GRIK2: variants seen among roughly 807,000 people sequenced by gnomAD.
GRIK2 encodes the protein glutamate receptor ionotropic, kainate 2.
GRIK2 carries 32 observed loss-of-function variants against 100.3 expected under a neutral mutation model. The ratio of observed to expected loss-of-function variants is 0.32; its 90% CI spans 0.24 to 0.43. GRIK2 has a LOEUF of 0.43. Ranked by LOEUF, GRIK2 falls within the 20% of genes least tolerant of loss-of-function variation. The probability of loss-of-function intolerance (pLI) is 1.00; values close to 1 mark genes in which losing one functional copy is unlikely to be tolerated. For missense variants in GRIK2, 843 were observed against 1,114.9 expected, an observed-to-expected ratio of 0.76 and a Z score of 3.47; for synonymous variants, 417 against 389.4, an observed-to-expected ratio of 1.07 and a Z score of -0.83.
chr6:101,795,964 T>C (rs866377328), intron 7 of GRIK2, among the ~76,000 whole-genome samples: 1 of 152,252 alleles, frequency 6.6e-6, no homozygotes, highest in Admixed American at 6.5e-5. Context: ...ATTTTCATTA[T>C]GTATTTATGA....
intron 14 of GRIK2, among the ~76,000 whole-genome samples, chr6:101,953,860 T>G (rs1204508651): frequency 6.6e-6 from 1 of 152,142 alleles, no homozygotes; most frequent in Non-Finnish European, 1.5e-5. Flanking sequence ...TACTACTATA[T>G]TTTTTTCTAA....
intron 9 of GRIK2, among the ~76,000 whole-genome samples, chr6:101,808,919 TA>T (rs900045588): frequency 1.0e-4 from 15 of 150,380 alleles, no homozygotes; most frequent in East Asian, 3.9e-4. Flanking sequence ...GGGAAAATCT[TA>T]AAAAAAAATA....
At chr6:101,769,331 G>A (rs1177159384) in intron 7 of GRIK2, among the ~76,000 whole-genome samples, 3 of 152,116 alleles carry the variant, frequency 2.0e-5, no homozygotes, top group African/African-American at 7.2e-5. Context: ...TCATTGGGTA[G>A]CCTTTAAGAG....
chr6:101,554,745 A>C (rs867295431), intron 2 of GRIK2, among the ~76,000 whole-genome samples: 1 of 152,176 alleles, frequency 6.6e-6, no homozygotes, highest in Admixed American at 6.5e-5. Flanking sequence ...TACCTATAGT[A>C]CCACCAAAAT....
Position 101,941,228 on chromosome 6 carries a change from A to G in GRIK2, c.2085+12596A>G, listed in dbSNP as rs184163998. Among the ~76,000 whole-genome samples, 55 of 152,220 alleles carry G rather than the reference A, an allele frequency of 3.6e-4. 1 individual carries two copies. In the East Asian group the frequency reaches 8.7e-3, roughly 24 times the overall value. On this transcript the variant is annotated intron_variant, in intron 14 of 16. Transcript: ENST00000369134. ...AATTATTTTTCTAGTTTAAAAATAC[A>G]TATGGGCAAATTTCTAATTTAAAAT...
intron 14 of GRIK2, among the ~76,000 whole-genome samples, chr6:101,935,796 A>G (rs1790579398): frequency 6.6e-6 from 1 of 152,052 alleles, no homozygotes; most frequent in Non-Finnish European, 1.5e-5. Context: ...TTAGTACACA[A>G]TTCTAATTTA....
chr6:102,023,355 G>T (rs1487471395), intron 14 of GRIK2, among the ~76,000 whole-genome samples: 2 of 151,302 alleles, frequency 1.3e-5, no homozygotes, highest in East Asian at 1.9e-4. Flanking sequence ...AAAAAAGAAA[G>T]AAATAATTAT....
At position 101,675,303 on chromosome 6, in the gene GRIK2, A is replaced by AC. The variant is rs1282063520; in HGVS notation, c.542-1319dup. On this transcript the variant is annotated intron_variant, in intron 4 of 16. Transcript: ENST00000369134. Reference sequence around the variant, plus strand: ...CGCGCACGCACACGCAGACACACACACACCACACACACACACACACACACT... The same window carrying AC: ...CGCGCACGCACACGCAGACACACACACCACCACACACACACACACACACACT... 6.0e-5 allele frequency among the ~76,000 whole-genome samples: 5 copies of AC among 83,758 alleles called. No homozygotes were observed. The South Asian group carries it at 1.0e-3, about 17-fold the overall frequency. 54.9% of individuals were successfully genotyped at this position (83,758 alleles called of 152,430 possible). A position where few individuals can be genotyped will look rare whatever the true frequency, so the allele number is the denominator to read the frequency against.
intron 4 of GRIK2, among the ~76,000 whole-genome samples, chr6:101,637,611 T>C (rs1781085973): frequency 6.6e-6 from 1 of 152,132 alleles, no homozygotes; most frequent in South Asian, 2.1e-4. Context: ...CTACCTGACG[T>C]AGAGAAAAGG....
chr6:101,628,795 G>A (rs2786245), intron 4 of GRIK2, among the ~76,000 whole-genome samples: 26,052 of 151,942 alleles, frequency 0.17, 2,391 homozygotes, highest in African/African-American at 0.25. Context: ...ATGCACACAG[G>A]TATGTACATC....
At chr6:101,558,509 C>T (rs1039818494) in intron 2 of GRIK2, among the ~76,000 whole-genome samples, 1 of 151,894 alleles carries the variant, frequency 6.6e-6, no homozygotes, top group Non-Finnish European at 1.5e-5. Context: ...CAAGGGAACA[C>T]AGAATTGGGA....
chr6:101,783,303 T>G (rs1779215466), intron 7 of GRIK2, among the ~76,000 whole-genome samples: 1 of 150,260 alleles, frequency 6.7e-6, no homozygotes, highest in South Asian at 2.2e-4. Flanking sequence ...AAAGTGACAG[T>G]TTCCCATTTG....
chr6:101,820,721 C>T (rs1442740852), intron 10 of GRIK2, among the ~76,000 whole-genome samples: 4 of 152,150 alleles, frequency 2.6e-5, no homozygotes, highest in Admixed American at 6.5e-5. Flanking sequence ...GGATTATAGG[C>T]GTGAGCCACT....
intron 16 of GRIK2, among the ~76,000 whole-genome samples, chr6:102,056,205 G>A (rs1771455638): frequency 1.3e-5 from 2 of 151,794 alleles, no homozygotes; most frequent in Non-Finnish European, 2.9e-5. Context: ...CTAAAAATAT[G>A]TATAAACTTC....
chr6:101,584,931 G>A (rs1372451718), intron 2 of GRIK2, among the ~76,000 whole-genome samples: 1 of 151,786 alleles, frequency 6.6e-6, no homozygotes, highest in South Asian at 2.1e-4. Context: ...GAAATGTTGA[G>A]ATTTCAGTAA....
intron 14 of GRIK2, among the ~76,000 whole-genome samples, chr6:101,972,186 G>A (rs1009879287): frequency 6.6e-6 from 1 of 151,912 alleles, no homozygotes; most frequent in Non-Finnish European, 1.5e-5. Flanking sequence ...GCTTTCCACA[G>A]TGGCTGAAAT....
intron 2 of GRIK2, among the ~76,000 whole-genome samples, chr6:101,473,595 T>A (rs1582527752): frequency 6.6e-6 from 1 of 152,006 alleles, no homozygotes; most frequent in East Asian, 1.9e-4. Context: ...TTCCAATGAC[T>A]AATTCTTATA....
chr6:101,548,475 TCC>T, intron 2 of GRIK2, among the ~76,000 whole-genome samples: 1 of 152,204 alleles, frequency 6.6e-6, no homozygotes, highest in South Asian at 2.1e-4. Flanking sequence ...AAGTCTTTAA[TCC>T]ATCTTGAATT....
At position 101,830,059 on chromosome 6, in the gene GRIK2, G is replaced by A. The variant is rs564478575; in HGVS notation, c.1317+11576G>A. Among the ~76,000 whole-genome samples, 203 of 151,990 alleles carry A rather than the reference G, an allele frequency of 1.3e-3. 2 individuals are homozygous for A. The highest frequency in any genetic ancestry group is 4.7e-3 in the African/African-American group (196 of 41,478). ...AGGCTACAGTAACCAAAACAGCATG[G>A]GATTGGTATAAATATAGACACATAA... On this transcript the variant is annotated intron_variant, in intron 10 of 16. Coordinates refer to ENST00000369134, the MANE Select transcript of GRIK2 (RefSeq NM_021956.5).
Sources: gnomAD v4.1 joint callset for allele counts (sites outside exome capture counted in the v4.1 genomes callset) on GRCh38, gnomAD v4.1.1 for gene constraint, MANE v1.5 for transcripts, NCBI Gene and HGNC (gene_info 2026-07-23, HGNC 2026-07-21) for gene names.